Variants in SLC30A9 observed in about 807,000 individuals in gnomAD.
SLC30A9 encodes the protein solute carrier family 30 member 9, also known as proton-coupled zinc antiporter SLC30A9, mitochondrial.
Under a neutral mutation model 87.5 loss-of-function variants are expected in SLC30A9, and 58 were observed. The observed-to-expected ratio is 0.66, with a 90% CI of 0.54 to 0.82. The LOEUF (loss-of-function observed/expected upper bound fraction) is 0.82, where lower values mean the gene tolerates loss of function less well. Among genes scored for constraint, SLC30A9 ranks in the 40% least tolerant of loss-of-function variants. The pLI, the probability that SLC30A9 is intolerant of heterozygous loss-of-function variation, is 0.00. For synonymous variants in SLC30A9, 234 were observed against 233.0 expected (o/e 1.00, Z -0.04); for missense variants, 557 against 679.1 (o/e 0.82, Z 2.00).
In SLC30A9 at chr4:42,014,517, G is replaced by A. The variant is rs575105638; in HGVS notation, c.275-3594G>A. The stretch of plus-strand genomic sequence containing the variant: ...GGTTGCAGTGAGCTGAGATCGTGCT[G>A]CTGCACTCCAGCCTGGCGACAGAGC... On this transcript the variant is annotated intron_variant, in intron 2 of 17. Transcript: ENST00000264451. Among the ~76,000 whole-genome samples, 17 of 149,928 alleles carry A rather than the reference G, an allele frequency of 1.1e-4. No individual in the cohort carries two copies. In the East Asian group the frequency reaches 3.4e-3, roughly 30 times the overall value.
chr4:42,001,626 T>C lies in SLC30A9; in HGVS notation c.120T>C (p.Asn40=). 5 of 1,582,654 alleles carry C rather than the reference T, an allele frequency of 3.2e-6. No individual in the cohort carries two copies. The highest frequency in any genetic ancestry group is 4.3e-6 in the Non-Finnish European group (5 of 1,161,784). ...CNPSDRQEWQ[N]LVTFGSFSNM... ...TATTTTTTCTTTTAGAGTGGCAGAA[T>C]TTAGTGACATTTGGAAGCTTTTCAA... Residue 40 remains asparagine (N), a synonymous_variant, in exon 2 of 18, where the codon AAT becomes AAC. Transcript: ENST00000264451.
rs77742137 is a variant in SLC30A9, at chr4:42,069,539, A to G, written c.1253-987A>G. 4.7e-3 allele frequency among the ~76,000 whole-genome samples: 719 copies of G among 152,298 alleles called. 2 individuals are homozygous for G. Among genetic ancestry groups the G allele is most frequent in the East Asian group, 0.027 (139 of 5,184 alleles). ...AAGCGGATCATTTTTAACACTTAGTATAGATTAACAAGTTTGCTTTTTAGT... is the reference window on the plus strand; with the variant it reads ...AAGCGGATCATTTTTAACACTTAGTGTAGATTAACAAGTTTGCTTTTTAGT... On this transcript the variant is annotated intron_variant, in intron 14 of 17. Coordinates refer to ENST00000264451, the MANE Select transcript of SLC30A9 (RefSeq NM_006345.4).
chr4:42,025,943 G>A (rs922620716), intron 6 of SLC30A9, among the ~76,000 whole-genome samples: 3 of 151,964 alleles, frequency 2.0e-5, no homozygotes, highest in Admixed American at 6.6e-5. Flanking sequence ...GTGAGCCACC[G>A]CACCTGGCGA....
rs1185095243 is a variant in SLC30A9, at chr4:42,020,446, G to C, written c.365G>C (p.Gly122Ala). The change falls in exon 4 of 18, where the codon GGC becomes GCC. Residue 122 changes from glycine (G) to alanine (A), a missense_variant. Gly to Ala is a moderately conservative substitution (Grantham distance 60). Around this residue, in one of 2 missense-constraint regions of SLC30A9, gnomAD observed 467 missense variants for 529.8 expected, o/e 0.88. Coordinates refer to ENST00000264451, the MANE Select transcript of SLC30A9 (RefSeq NM_006345.4). ...GCAGTCCTTAAGAAAAGGGAGTATG[G>C]CTCAAAGTACACTCAGAATAATTTC... ...VKAVLKKREY[G>A]SKYTQNNFIT... The C allele has an allele frequency of 6.3e-7, 1 of 1,584,688 alleles. No individual in the cohort carries two copies. The highest frequency in any genetic ancestry group is 2.3e-5 in the East Asian group (1 of 44,366).
intron 2 of SLC30A9, among the ~76,000 whole-genome samples, chr4:42,006,325 T>G (rs1015992957): frequency 1.3e-5 from 2 of 152,170 alleles, no homozygotes; most frequent in Non-Finnish European, 2.9e-5. Flanking sequence ...GGAGAGGCAC[T>G]TAACTGAGTC....
chr4:42,061,431 A>G lies in SLC30A9; in HGVS notation c.896+1185A>G, dbSNP rs187258038. 1.2e-4 allele frequency among the ~76,000 whole-genome samples: 18 copies of G among 152,350 alleles called. No individual in the cohort carries two copies. In the East Asian group the frequency reaches 3.3e-3, roughly 28 times the overall value. The stretch of plus-strand genomic sequence containing the variant: ...CCTTGAAATCACCTGAAGTAATACC[A>G]TTTATTTTAGATCTTAATTTACTTT... On this transcript the variant is annotated intron_variant, in intron 10 of 17. Transcript: ENST00000264451.
intron 4 of SLC30A9, among the ~76,000 whole-genome samples, chr4:42,022,608 A>G (rs1246728641): frequency 1.3e-5 from 2 of 152,092 alleles, no homozygotes; most frequent in African/African-American, 2.4e-5. Context: ...GAATCTCTAC[A>G]TATTATATTG....
intron 17 of SLC30A9, among the ~76,000 whole-genome samples, chr4:42,082,156 G>T (rs1172146295): frequency 2.0e-5 from 3 of 151,806 alleles, no homozygotes; most frequent in Non-Finnish European, 2.9e-5. Flanking sequence ...GGCAGAGCTT[G>T]CAGTGAGCCG....
At chr4:42,002,897 C>A (rs1339634475) in intron 2 of SLC30A9, among the ~76,000 whole-genome samples, 2 of 152,152 alleles carry the variant, frequency 1.3e-5, no homozygotes, top group African/African-American at 2.4e-5. Flanking sequence ...TGACTTTTCT[C>A]TGCAGTCTCA....
At chr4:42,043,693 TATTC>T (rs1717014234) in intron 8 of SLC30A9, among the ~76,000 whole-genome samples, 1 of 152,114 alleles carries the variant, frequency 6.6e-6, no homozygotes, top group Non-Finnish European at 1.5e-5. Flanking sequence ...GACAGGCTAA[TATTC>T]AAATTCAGGA....
chr4:42,006,028 T>C (rs1294335083), intron 2 of SLC30A9, among the ~76,000 whole-genome samples: 5 of 152,254 alleles, frequency 3.3e-5, no homozygotes, highest in Admixed American at 2.0e-4. Flanking sequence ...ACTGAACATA[T>C]ACAGACATTT....
chr4:42,075,547 T>TTC, intron 15 of SLC30A9, 110 bp from the exon 16 acceptor site: 1 of 947,508 alleles, frequency 1.1e-6, no homozygotes, highest in Non-Finnish European at 1.6e-6. Flanking sequence ...TCTTAGTCCA[T>TTC]TCTCGTAACT....
At chr4:42,075,451 T>G (rs1718511942) in intron 15 of SLC30A9, among the ~76,000 whole-genome samples, 1 of 151,852 alleles carries the variant, frequency 6.6e-6, no homozygotes, top group African/African-American at 2.4e-5. Flanking sequence ...TTTGCACCTT[T>G]GTATGATATC....
intron 8 of SLC30A9, among the ~76,000 whole-genome samples, chr4:42,040,571 T>C (rs889781291): frequency 1.3e-5 from 2 of 151,840 alleles, no homozygotes; most frequent in Non-Finnish European, 2.9e-5. Flanking sequence ...TTGGGAGACC[T>C]CGTGATCCGA....
At chr4:42,073,158 C>T (rs187576902) in intron 15 of SLC30A9, among the ~76,000 whole-genome samples, 15 of 152,226 alleles carry the variant, frequency 9.9e-5, no homozygotes, top group Admixed American at 2.0e-4. Flanking sequence ...GAGCACCGTG[C>T]CCGGCCTCTG....
chr4:42,069,787 T>C (rs1294228516), intron 14 of SLC30A9, among the ~76,000 whole-genome samples: 1 of 152,218 alleles, frequency 6.6e-6, no homozygotes, highest in South Asian at 2.1e-4. Flanking sequence ...AGAGAAGCCC[T>C]GACAACCTAA....
chr4:42,035,347 T>G lies in SLC30A9; in HGVS notation c.669+14T>G. The stretch of plus-strand genomic sequence containing the variant: ...GGAAATACCAAGGTATGGATATCTT[T>G]GTAATAATGTGTGTGTTTGTGTTGC... On this transcript the variant is annotated intron_variant, in intron 7 of 17. Coordinates refer to ENST00000264451, the MANE Select transcript of SLC30A9 (RefSeq NM_006345.4). 4 of 1,600,964 alleles carry G rather than the reference T, an allele frequency of 2.5e-6. No individual in the cohort carries two copies. The highest frequency in any genetic ancestry group is 1.3e-5 in the African/African-American group (1 of 74,586).
chr4:42,003,324 A>G (rs2153133147), intron 2 of SLC30A9, among the ~76,000 whole-genome samples: 1 of 152,270 alleles, frequency 6.6e-6, no homozygotes, highest in Non-Finnish European at 1.5e-5. Flanking sequence ...TATACACATC[A>G]ATTCTTATTT....
rs751738099 is a variant in SLC30A9 at position 41,990,774 on chromosome 4, G to C, written c.109+14G>C. 2.5e-6 allele frequency: 4 copies of C among 1,581,264 alleles called. No homozygotes were observed. Among genetic ancestry groups the C allele is most frequent in the African/African-American group, 1.3e-5 (1 of 74,492 alleles). On this transcript the variant is annotated intron_variant, in intron 1 of 17. Coordinates refer to ENST00000264451, the MANE Select transcript of SLC30A9 (RefSeq NM_006345.4). ...GCGACCGCCAGGGTGAGTGTCCCGCGCTGGCCGCTGGCTCCGTAGAAGCCG... is the reference window on the plus strand; with the variant it reads ...GCGACCGCCAGGGTGAGTGTCCCGCCCTGGCCGCTGGCTCCGTAGAAGCCG...
Sources: gnomAD v4.1 joint callset for allele counts (sites outside exome capture counted in the v4.1 genomes callset) on GRCh38, gnomAD v4.1.1 for gene constraint, gnomAD v4.1.1 regional missense constraint, MANE v1.5 for transcripts, NCBI Gene and HGNC (gene_info 2026-07-23, HGNC 2026-07-21) for gene names.